The following SORCS2 variants were observed in gnomAD, a reference collection of about 807,000 sequenced individuals.
SORCS2 encodes the protein VPS10 domain-containing receptor SorCS2.
A neutral mutation model predicts 141.6 loss-of-function variants in SORCS2; 100 were observed. The ratio of observed to expected loss-of-function variants is 0.71; its 90% confidence interval spans 0.60 to 0.83. SORCS2 has a LOEUF of 0.83. Among genes scored for constraint, SORCS2 ranks in the 40% least tolerant of loss-of-function variants. SORCS2 has a pLI of 0.00. For missense variants in SORCS2, 1,646 were observed against 1,560.2 expected (o/e 1.05, Z -0.93); for synonymous variants, 789 against 676.9 (o/e 1.17, Z -2.57).
intron 9 of SORCS2, among the ~76,000 whole-genome samples, chr4:7,677,737 T>G (rs1450277572): frequency 1.3e-5 from 2 of 152,184 alleles, no homozygotes; most frequent in Non-Finnish European, 2.9e-5. Flanking sequence ...TGGAACCATT[T>G]GTTTGCAATA....
chr4:7,303,176 A>C (rs1717555951), intron 1 of SORCS2, among the ~76,000 whole-genome samples: 1 of 152,214 alleles, frequency 6.6e-6, no homozygotes, highest in South Asian at 2.1e-4. Flanking sequence ...AGAAGCCGGC[A>C]TGGGGTCAGC....
Position 7,193,215 on chromosome 4 carries a change from C to A in SORCS2, c.480+89C>A, listed in dbSNP as rs1427479064. ...ACCGCCACGGCCCCCACCCCAGATCCCCACTATGGTCATCAGGGGCGGGTT... is the reference window on the plus strand; with the variant it reads ...ACCGCCACGGCCCCCACCCCAGATCACCACTATGGTCATCAGGGGCGGGTT... On this transcript the variant is annotated intron_variant, in intron 1 of 26. Coordinates refer to ENST00000507866, the MANE Select transcript of SORCS2 (RefSeq NM_020777.3). This position sits in a 1 kb window ranked among gnomAD's most constrained non-coding sequence, Gnocchi z 4.8. The A allele has an allele frequency of 1.5e-5, 19 of 1,308,238 alleles. No homozygotes were observed. Among genetic ancestry groups the A allele is most frequent in the Non-Finnish European group, 7.8e-6 (8 of 1,028,102 alleles). The allele number at this position is 1,308,238 out of a possible 1,614,324, so 81.0% of individuals were successfully genotyped here.
intron 2 of SORCS2, among the ~76,000 whole-genome samples, chr4:7,404,180 C>A (rs147774989): frequency 6.3e-4 from 95 of 151,922 alleles, no homozygotes; most frequent in African/African-American, 2.1e-3. Flanking sequence ...TGATCTCATT[C>A]ATGTTCATGG....
In SORCS2 at chr4:7,695,584, ATTGG is replaced by A. The variant is rs1172311028; in HGVS notation, c.1592-1612_1592-1609del. Among the ~76,000 whole-genome samples, 16 of 7,348 alleles carry A rather than the reference ATTGG, an allele frequency of 2.2e-3. 1 individual carries two copies. Among genetic ancestry groups the A allele is most frequent in the East Asian group, 7.1e-3 (1 of 140 alleles). 4.8% of individuals were successfully genotyped at this position (7,348 alleles called of 152,430 possible). On this transcript the variant is annotated intron_variant, in intron 11 of 26. Transcript: ENST00000507866. The stretch of plus-strand genomic sequence containing the variant: ...GATGCATGGATGGATGGATGGATGG[ATTGG>A]TGGGTGGGTGGGTGGATGGATGGAT...
intron 1 of SORCS2, among the ~76,000 whole-genome samples, chr4:7,371,080 G>A (rs957332079): frequency 1.5e-4 from 23 of 152,200 alleles, no homozygotes; most frequent in Admixed American, 8.5e-4. Flanking sequence ...GTGCCACATC[G>A]GGAGCAGGTC....
intron 1 of SORCS2, among the ~76,000 whole-genome samples, chr4:7,220,709 A>G (rs10020957): frequency 0.57 from 86,498 of 151,932 alleles, 24,719 homozygotes; most frequent in Non-Finnish European, 0.6. Flanking sequence ...TTCCGGCCCC[A>G]TTTTGCACGC....
At chr4:7,407,187 A>G (rs1351743035) in intron 2 of SORCS2, among the ~76,000 whole-genome samples, 1 of 152,070 alleles carries the variant, frequency 6.6e-6, no homozygotes, top group African/African-American at 2.4e-5. Context: ...AGTTAGGCCT[A>G]TTAGGTCTGG....
intron 1 of SORCS2, among the ~76,000 whole-genome samples, chr4:7,357,101 G>A (rs969192982): frequency 8.5e-5 from 13 of 152,122 alleles, no homozygotes; most frequent in African/African-American, 2.4e-4. Flanking sequence ...CCTGGGGTCC[G>A]GCTGGAGCTC....
intron 11 of SORCS2, among the ~76,000 whole-genome samples, chr4:7,696,695 C>T (rs866284158): frequency 6.6e-6 from 1 of 152,204 alleles, no homozygotes; most frequent in Admixed American, 6.5e-5. Flanking sequence ...ACCTTCCTCC[C>T]AAATGTCCAC....
At position 7,615,074 on chromosome 4, in the gene SORCS2, G is replaced by A. The variant is rs370900183; in HGVS notation, c.649-23254G>A. ...CTATTCACCCATCCACCATCTCTCT[G>A]TCTACCCATCCATCCATCCATTCAT... On this transcript the variant is annotated intron_variant, in intron 3 of 26. Coordinates refer to ENST00000507866, the MANE Select transcript of SORCS2 (RefSeq NM_020777.3). Among the ~76,000 whole-genome samples, 7 of 151,758 alleles carry A rather than the reference G, an allele frequency of 4.6e-5. No homozygotes were observed. The East Asian group carries it at 1.2e-3, about 25-fold the overall frequency.
Position 7,364,456 on chromosome 4 carries a change from G to A in SORCS2, c.481-31832G>A, listed in dbSNP as rs149877813. ...CTTGCAAATATGACTTGTCAGCAAG[G>A]CTGCTATGGGGGTGGCAGTGGGCAG... On this transcript the variant is annotated intron_variant, in intron 1 of 26. Coordinates refer to ENST00000507866, the MANE Select transcript of SORCS2 (RefSeq NM_020777.3). Among the ~76,000 whole-genome samples, 574 of 152,284 alleles carry A rather than the reference G, an allele frequency of 3.8e-3. 3 individuals are homozygous for A. The highest frequency in any genetic ancestry group is 0.013 in the African/African-American group (559 of 41,558).
intron 1 of SORCS2, among the ~76,000 whole-genome samples, chr4:7,374,835 G>A (rs1253979197): frequency 6.6e-6 from 1 of 152,146 alleles, no homozygotes; most frequent in East Asian, 1.9e-4. Flanking sequence ...ACCGCGGGTG[G>A]GGGGAGGCTT....
chr4:7,219,192 T>TGTGTGTGTGTGTC (rs1728552530), intron 1 of SORCS2, among the ~76,000 whole-genome samples: 1 of 110,928 alleles, frequency 9.0e-6, no homozygotes. Flanking sequence ...GTGTGTCTGT[T>TGTGTGTGTGTGTC]CATGTCTATG....
At position 7,215,320 on chromosome 4, in the gene SORCS2, A is replaced by G. The variant is rs566720351; in HGVS notation, c.480+22194A>G. 5.5e-3 allele frequency among the ~76,000 whole-genome samples: 831 copies of G among 152,240 alleles called. 6 individuals are homozygous for G. The highest frequency in any genetic ancestry group is 8.4e-3 in the Admixed American group (128 of 15,306). On this transcript the variant is annotated intron_variant, in intron 1 of 26. Coordinates refer to ENST00000507866, the MANE Select transcript of SORCS2 (RefSeq NM_020777.3). Reference sequence around the variant, plus strand: ...CTGGGTCCCCCAGCAGTGCCAGCCTACCGGCGCTGCGCTCGATTTCTCACC... The same window carrying G: ...CTGGGTCCCCCAGCAGTGCCAGCCTGCCGGCGCTGCGCTCGATTTCTCACC...
At chr4:7,441,120 AG>A (rs1271426301) in intron 2 of SORCS2, among the ~76,000 whole-genome samples, 6 of 152,186 alleles carry the variant, frequency 3.9e-5, no homozygotes, top group African/African-American at 1.4e-4. Context: ...GGACTCGGCA[AG>A]GGCGAAGGCC....
chr4:7,254,669 G>A (rs893992951), intron 1 of SORCS2, among the ~76,000 whole-genome samples: 4 of 152,148 alleles, frequency 2.6e-5, no homozygotes, highest in Admixed American at 1.3e-4. Context: ...AAAGAGGGGC[G>A]GGCTGACACC....
At position 7,392,081 on chromosome 4, in the gene SORCS2, A is replaced by C. The variant is rs370791149; in HGVS notation, c.481-4207A>C. Reference sequence around the variant, plus strand: ...TTCAAGACAGCAACAGCAGAGCATGAAACCAAGCTCAGGGGCTTCGTGGCT... The same window carrying C: ...TTCAAGACAGCAACAGCAGAGCATGCAACCAAGCTCAGGGGCTTCGTGGCT... On this transcript the variant is annotated intron_variant, in intron 1 of 26. Coordinates refer to ENST00000507866, the MANE Select transcript of SORCS2 (RefSeq NM_020777.3). Among the ~76,000 whole-genome samples, 6 of 152,232 alleles carry C rather than the reference A, an allele frequency of 3.9e-5. No individual in the cohort carries two copies. In the South Asian group the frequency reaches 6.2e-4, roughly 16 times the overall value.
intron 1 of SORCS2, among the ~76,000 whole-genome samples, chr4:7,381,323 C>T (rs1013007266): frequency 6.6e-5 from 10 of 152,268 alleles, no homozygotes; most frequent in African/African-American, 1.9e-4. Flanking sequence ...GTGAGACACA[C>T]GGAGCACAGA....
intron 2 of SORCS2, among the ~76,000 whole-genome samples, chr4:7,495,574 G>A (rs1269356055): frequency 1.3e-5 from 2 of 152,176 alleles, no homozygotes; most frequent in Admixed American, 6.5e-5. Flanking sequence ...CAAGCCCGGG[G>A]CCTCCTTGTA....
Sources: gnomAD v4.1 joint callset for allele counts (sites outside exome capture counted in the v4.1 genomes callset) on GRCh38, gnomAD v4.1.1 for gene constraint, Gnocchi (gnomAD v3.1) non-coding constraint, MANE v1.5 for transcripts, NCBI Gene and HGNC (gene_info 2026-07-23, HGNC 2026-07-21) for gene names.